The following EXT1 variants were observed in gnomAD, a reference collection of about 807,000 sequenced individuals.
The protein encoded by EXT1 is exostosin glycosyltransferase 1.
Under a neutral mutation model 82.5 loss-of-function variants are expected in EXT1, and 20 were observed. The ratio of observed to expected loss-of-function variants is 0.24; its 90% confidence interval spans 0.17 to 0.35. The LOEUF is 0.35. EXT1 is among the 10% of genes least tolerant of loss of function. The pLI is 1.00. For missense variants in EXT1, 757 were observed against 936.5 expected, an observed-to-expected ratio of 0.81 and a Z score of 2.50; for synonymous variants, 348 against 350.8, an observed-to-expected ratio of 0.99 and a Z score of 0.09.
At chr8:118,071,374 A>T (rs1344337034) in intron 1 of EXT1, among the ~76,000 whole-genome samples, 1 of 152,286 alleles carries the variant, frequency 6.6e-6, no homozygotes, top group Non-Finnish European at 1.5e-5. Flanking sequence ...TGATGTTACA[A>T]TGTCCTTTAC....
At chr8:118,024,205 T>C (rs1816163640) in intron 1 of EXT1, among the ~76,000 whole-genome samples, 1 of 152,216 alleles carries the variant, frequency 6.6e-6, no homozygotes, top group Admixed American at 6.5e-5. Context: ...CCCTGTAAGC[T>C]AATACCCTTA....
chr8:117,999,059 T>C (rs1434750003), intron 1 of EXT1, among the ~76,000 whole-genome samples: 1 of 152,218 alleles, frequency 6.6e-6, no homozygotes, highest in African/African-American at 2.4e-5. Flanking sequence ...AATGAGAGGC[T>C]GGCACATAGA....
At chr8:118,066,520 C>A (rs1398238421) in intron 1 of EXT1, among the ~76,000 whole-genome samples, 4 of 149,426 alleles carry the variant, frequency 2.7e-5, no homozygotes, top group African/African-American at 1.0e-4. Context: ...CACCCACACC[C>A]AAAATAGTTT....
At chr8:117,892,714 G>A (rs951574916) in intron 1 of EXT1, among the ~76,000 whole-genome samples, 12 of 152,324 alleles carry the variant, frequency 7.9e-5, no homozygotes, top group East Asian at 3.9e-4. Context: ...GCCATGGTCC[G>A]GTGAGAGGTA....
chr8:117,795,272 C>A lies in EXT1; in HGVS notation c.*4440G>T, dbSNP rs1823073614. ...TATAAAATGTATTGGAACTCTAGAC[C>A]AGTGACAACTACAATCCCTACTAGG... On this transcript the variant is annotated 3_prime_UTR_variant, in exon 11 of 11. Coordinates refer to ENST00000378204, the MANE Select transcript of EXT1 (RefSeq NM_000127.3). 1.3e-5 allele frequency: 2 copies of A among 152,090 alleles called. No individual in the cohort carries two copies. The highest frequency in any genetic ancestry group is 4.2e-4 in the South Asian group (2 of 4,818). The allele number at this position is 152,090 out of a possible 1,614,324, so 9.4% of individuals were successfully genotyped here.
intron 1 of EXT1, among the ~76,000 whole-genome samples, chr8:118,071,792 G>A (rs1358017044): frequency 3.3e-5 from 5 of 151,990 alleles, no homozygotes; most frequent in African/African-American, 4.8e-5. Flanking sequence ...GTCTCTTTAG[G>A]TAGAGAATAT....
At chr8:118,032,880 C>T (rs1816353305) in intron 1 of EXT1, among the ~76,000 whole-genome samples, 1 of 152,092 alleles carries the variant, frequency 6.6e-6, no homozygotes, top group Non-Finnish European at 1.5e-5. Flanking sequence ...AACCAAGAAT[C>T]AGGAATAAAA....
intron 1 of EXT1, among the ~76,000 whole-genome samples, chr8:117,956,162 AT>A (rs1313891944): frequency 1.5e-4 from 21 of 137,886 alleles, no homozygotes; most frequent in Admixed American, 9.7e-4. Flanking sequence ...ATAACTACGG[AT>A]TTTTTTTTAA....
intron 1 of EXT1, among the ~76,000 whole-genome samples, chr8:117,849,620 T>C (rs1448783064): frequency 1.3e-5 from 2 of 152,222 alleles, no homozygotes; most frequent in African/African-American, 2.4e-5. Flanking sequence ...CGTCAAGTTC[T>C]CCAAATGCCA....
intron 1 of EXT1, among the ~76,000 whole-genome samples, chr8:118,021,930 C>A (rs1311565439): frequency 6.6e-6 from 1 of 152,164 alleles, no homozygotes; most frequent in Non-Finnish European, 1.5e-5. Flanking sequence ...CGAATTCCAC[C>A]TGACTATATC....
intron 1 of EXT1, among the ~76,000 whole-genome samples, chr8:117,906,472 A>C (rs920072887): frequency 6.6e-6 from 1 of 152,208 alleles, no homozygotes; most frequent in Non-Finnish European, 1.5e-5. Context: ...AGCCACTACC[A>C]ATCAATCTAA....
chr8:118,020,139 G>C (rs1816075041), intron 1 of EXT1, among the ~76,000 whole-genome samples: 1 of 152,128 alleles, frequency 6.6e-6, no homozygotes, highest in African/African-American at 2.4e-5. Context: ...GGTTTTATTA[G>C]TCATTCTTAT....
At chr8:118,067,239 G>T (rs1817004677) in intron 1 of EXT1, among the ~76,000 whole-genome samples, 1 of 152,226 alleles carries the variant, frequency 6.6e-6, no homozygotes, top group African/African-American at 2.4e-5. Context: ...AAACACACCT[G>T]AGCTAACTGG....
intron 1 of EXT1, among the ~76,000 whole-genome samples, chr8:117,946,989 G>C (rs2129686170): frequency 6.6e-6 from 1 of 152,224 alleles, no homozygotes; most frequent in African/African-American, 2.4e-5. Context: ...GGAGTATATG[G>C]GTTACCCGAG....
intron 1 of EXT1, among the ~76,000 whole-genome samples, chr8:117,879,631 C>T (rs1287420931): frequency 6.6e-6 from 1 of 152,166 alleles, no homozygotes; most frequent in African/African-American, 2.4e-5. Context: ...GAAAGACATA[C>T]CTTAGCAATT....
At chr8:118,006,112 C>A (rs1337648921) in intron 1 of EXT1, among the ~76,000 whole-genome samples, 1 of 152,182 alleles carries the variant, frequency 6.6e-6, no homozygotes, top group Non-Finnish European at 1.5e-5. Flanking sequence ...TTATAGGGTT[C>A]TGGAAAGCAA....
chr8:117,972,484 G>A (rs1365418630), intron 1 of EXT1, among the ~76,000 whole-genome samples: 1 of 152,202 alleles, frequency 6.6e-6, no homozygotes, highest in Non-Finnish European at 1.5e-5. Context: ...GTGAAGAGGT[G>A]TCAGGAGAGC....
chr8:118,060,262 G>A (rs888210646), intron 1 of EXT1, among the ~76,000 whole-genome samples: 2 of 152,142 alleles, frequency 1.3e-5, no homozygotes, highest in African/African-American at 4.8e-5. Context: ...TAAGCCAGTG[G>A]TCACAAATTG....
At chr8:117,882,076 G>A (rs757979300) in intron 1 of EXT1, among the ~76,000 whole-genome samples, 1 of 152,084 alleles carries the variant, frequency 6.6e-6, no homozygotes, top group African/African-American at 2.4e-5. Context: ...GAATTTTATT[G>A]TTGTTTAATT....
Sources: allele counts gnomAD v4.1 joint callset (sites outside exome capture counted in the v4.1 genomes callset), GRCh38; gene constraint gnomAD v4.1.1; transcripts MANE v1.5; gene names NCBI Gene and HGNC (gene_info 2026-07-23, HGNC 2026-07-21).